IL1RAPL2: variants seen among roughly 807,000 people sequenced by gnomAD.
IL1RAPL2 encodes the protein interleukin 1 receptor accessory protein like 2, also known as X-linked interleukin-1 receptor accessory protein-like 2.
A neutral mutation model predicts 44.1 loss-of-function variants in IL1RAPL2; 3 were observed. The observed-to-expected ratio is 0.07, with a 90% CI of 0.03 to 0.18. The LOEUF is 0.18. Ranked by LOEUF, IL1RAPL2 falls within the 10% of genes least tolerant of loss-of-function variation. The pLI is 1.00. For missense variants in IL1RAPL2, 391 were observed against 496.4 expected, an observed-to-expected ratio of 0.79 and a Z score of 2.02; for synonymous variants, 181 against 178.8, an observed-to-expected ratio of 1.01 and a Z score of -0.10.
At chrX:105,491,582 T>C (rs1424149092) in intron 6 of IL1RAPL2, among the ~76,000 whole-genome samples, 1 of 112,105 alleles carries the variant, frequency 8.9e-6, no homozygotes, top group Non-Finnish European at 1.9e-5. Flanking sequence ...TAATGGGAGC[T>C]AGTTCATGGC....
intron 2 of IL1RAPL2, among the ~76,000 whole-genome samples, chrX:104,880,143 A>G (rs1025099633): frequency 9.0e-6 from 1 of 111,259 alleles, no homozygotes; most frequent in Non-Finnish European, 1.9e-5. Flanking sequence ...TACGCTAGTC[A>G]TCTCCTCTGA....
At chrX:105,495,554 T>G (rs187357474) in intron 6 of IL1RAPL2, among the ~76,000 whole-genome samples, 19 of 112,028 alleles carry the variant, frequency 1.7e-4, no homozygotes, top group African/African-American at 5.8e-4. Flanking sequence ...CAATTTCATT[T>G]ATTTTCCTTA....
At chrX:105,233,632 A>G (rs2034093812) in intron 3 of IL1RAPL2, among the ~76,000 whole-genome samples, 186 bp from the exon 4 acceptor site, 1 of 112,404 alleles carries the variant, frequency 8.9e-6, no homozygotes, top group Admixed American at 9.4e-5. Flanking sequence ...AAATATCCAC[A>G]TTAGCAATTA....
intron 1 of IL1RAPL2, among the ~76,000 whole-genome samples, chrX:104,603,237 T>C (rs751817276): frequency 9.1e-6 from 1 of 110,078 alleles, no homozygotes; most frequent in East Asian, 2.9e-4. Flanking sequence ...AGCAGAGGGG[T>C]CTGTCAGAAG....
Position 105,682,834 on chromosome X carries a change from G to A in IL1RAPL2, c.773-34533G>A, listed in dbSNP as rs150986784. Among the ~76,000 whole-genome samples the A allele has an allele frequency of 4.5e-5, 5 of 112,101 alleles. No homozygotes were observed. In the East Asian group the frequency reaches 1.4e-3, roughly 32 times the overall value. On this transcript the variant is annotated intron_variant, in intron 6 of 10. Coordinates refer to ENST00000372582, the MANE Select transcript of IL1RAPL2 (RefSeq NM_017416.2). ...AGGGCCTAAAAAGGTAATTTTAGTT[G>A]TAAAAGATAAGGTGAAAGCTTTATT...
At chrX:105,453,220 C>T (rs762309965) in intron 5 of IL1RAPL2, among the ~76,000 whole-genome samples, 1 of 112,001 alleles carries the variant, frequency 8.9e-6, no homozygotes, top group Non-Finnish European at 1.9e-5. Flanking sequence ...GACACAACAG[C>T]ACACACAGAA....
chrX:105,625,775 G>C (rs2037448741), intron 6 of IL1RAPL2, among the ~76,000 whole-genome samples: 1 of 107,192 alleles, frequency 9.3e-6, no homozygotes, highest in Non-Finnish European at 1.9e-5. Flanking sequence ...AATATGTTCA[G>C]AGAAGAGAGC....
intron 3 of IL1RAPL2, chrX:105,219,336 T>C: frequency 1.7e-6 from 2 of 1,211,425 alleles, no homozygotes; most frequent in Non-Finnish European, 2.2e-6. Flanking sequence ...CTGATGAGGC[T>C]CTGGACCAGG....
At chrX:104,942,848 T>C (rs1925223527) in intron 2 of IL1RAPL2, among the ~76,000 whole-genome samples, 1 of 111,558 alleles carries the variant, frequency 9.0e-6, no homozygotes. Flanking sequence ...AAATAGCTCT[T>C]ATTATTTTGA....
At chrX:105,737,366 AATAAT>A (rs1197672926) in intron 7 of IL1RAPL2, among the ~76,000 whole-genome samples, 3 of 111,451 alleles carry the variant, frequency 2.7e-5, no homozygotes, top group African/African-American at 6.5e-5. Flanking sequence ...TAAAATTAAA[AATAAT>A]ATATTTGCTA....
chrX:104,850,323 G>C (rs1225144650), intron 2 of IL1RAPL2, among the ~76,000 whole-genome samples: 1 of 111,656 alleles, frequency 9.0e-6, no homozygotes, highest in East Asian at 2.8e-4. Context: ...AAAATTTCCA[G>C]ATGACCTTGA....
chrX:105,079,590 C>T (rs981672763), intron 2 of IL1RAPL2, among the ~76,000 whole-genome samples: 1 of 109,162 alleles, frequency 9.2e-6, no homozygotes, highest in Admixed American at 9.7e-5. Flanking sequence ...TTTCTTAATC[C>T]AGTCTATCAC....
intron 1 of IL1RAPL2, among the ~76,000 whole-genome samples, chrX:104,582,503 T>C (rs1928368863): frequency 9.1e-6 from 1 of 110,285 alleles, no homozygotes; most frequent in Admixed American, 9.6e-5. Context: ...TTTCTCTCTC[T>C]CTCTCTCTCT....
chrX:104,983,177 T>C (rs753646059), intron 2 of IL1RAPL2, among the ~76,000 whole-genome samples: 46 of 108,824 alleles, frequency 4.2e-4, no homozygotes, highest in Non-Finnish European at 8.0e-4. Flanking sequence ...TGGGATGGAG[T>C]TGCACTGAGA....
intron 2 of IL1RAPL2, 25 bp downstream of exon 2, chrX:104,659,020 A>G (rs765966395): frequency 3.6e-6 from 4 of 1,113,399 alleles, no homozygotes; most frequent in East Asian, 3.0e-5. Flanking sequence ...ACTTGCCACT[A>G]TTTGGTCAAA....
At chrX:105,457,936 C>T (rs918410287) in intron 5 of IL1RAPL2, among the ~76,000 whole-genome samples, 4 of 111,119 alleles carry the variant, frequency 3.6e-5, no homozygotes, top group South Asian at 3.7e-4. Context: ...TTCCCACCAA[C>T]AATGCACAAA....
chrX:105,123,079 G>T (rs1447723178), intron 2 of IL1RAPL2, among the ~76,000 whole-genome samples: 4 of 111,182 alleles, frequency 3.6e-5, no homozygotes, highest in Non-Finnish European at 7.6e-5. Flanking sequence ...CTTTCATTTT[G>T]CCCAAGTCCA....
intron 10 of IL1RAPL2, among the ~76,000 whole-genome samples, chrX:105,761,066 C>A (rs2147596027): frequency 9.2e-6 from 1 of 108,396 alleles, no homozygotes; most frequent in East Asian, 2.9e-4. Flanking sequence ...GTAATCCCAG[C>A]TACTTGGGAG....
chrX:105,609,788 C>T (rs2037322020), intron 6 of IL1RAPL2, among the ~76,000 whole-genome samples: 1 of 111,672 alleles, frequency 9.0e-6, no homozygotes, highest in Admixed American at 9.5e-5. Context: ...AGGCAGGCAA[C>T]AAACAGCACT....
Sources: gnomAD v4.1 joint callset for allele counts (sites outside exome capture counted in the v4.1 genomes callset) on GRCh38, gnomAD v4.1.1 for gene constraint, MANE v1.5 for transcripts, NCBI Gene and HGNC (gene_info 2026-07-23, HGNC 2026-07-21) for gene names.